Variants in ARMC6 observed in about 807,000 individuals in gnomAD.
The protein encoded by ARMC6 is armadillo repeat-containing protein 6.
ARMC6 carries 43 observed loss-of-function variants against 49.2 expected under a neutral mutation model. The observed-to-expected ratio is 0.87, with a 90% CI of 0.69 to 1.13. The LOEUF (loss-of-function observed/expected upper bound fraction) is 1.13. Ranked by LOEUF, ARMC6 falls within the 50% of genes most tolerant of loss-of-function variation. The probability of loss-of-function intolerance (pLI) is 0.00; values close to 1 mark genes in which losing one functional copy is unlikely to be tolerated. For missense variants in ARMC6, 627 were observed against 682.0 expected, an observed-to-expected ratio of 0.92 and a Z score of 0.90; for synonymous variants, 262 against 289.6, an observed-to-expected ratio of 0.90 and a Z score of 0.97.
chr19:19,051,415 GTC>G (rs2059495917), intron 4 of ARMC6, among the ~76,000 whole-genome samples: 2 of 146,988 alleles, frequency 1.4e-5, no homozygotes, highest in African/African-American at 2.5e-5. Context: ...GTGTGTGTGT[GTC>G]AGTCTTCCAC....
chr19:19,033,803 GTC>G lies in ARMC6; in HGVS notation c.-203_-202del, dbSNP rs1406371015. 3 of 251,658 alleles carry G rather than the reference GTC, an allele frequency of 1.2e-5. No individual in the cohort carries two copies. The highest frequency in any genetic ancestry group is 2.3e-5 in the African/African-American group (1 of 44,436). 15.6% of individuals were successfully genotyped at this position (251,658 alleles called of 1,614,324 possible). On this transcript the variant is annotated 5_prime_UTR_variant, in exon 1 of 9. Transcript: ENST00000535612. ...CCTTGGTTATCGTGAGCGTCCGCGA[GTC>G]TCTGGGAGGCCAAGCCTAGGGGCGC... is the stretch of plus-strand genomic sequence containing the variant.
At chr19:19,044,243 G>A (rs377434792) in intron 4 of ARMC6, among the ~76,000 whole-genome samples, 169 bp downstream of exon 4, 7 of 152,342 alleles carry the variant, frequency 4.6e-5, no homozygotes, top group Admixed American at 2.0e-4. Context: ...GTCCGAGGGC[G>A]GCATGCCTTC....
At chr19:19,037,644 C>T (rs1199430137) in intron 2 of ARMC6, 3 of 1,213,132 alleles carry the variant, frequency 2.5e-6, no homozygotes, top group East Asian at 7.1e-5. Flanking sequence ...GGCCACCATG[C>T]CTGGCCTGAA....
intron 2 of ARMC6, chr19:19,037,493 A>G (rs2059380237): frequency 1.6e-5 from 7 of 436,640 alleles, no homozygotes; most frequent in Non-Finnish European, 2.6e-5. Flanking sequence ...CAGCCTCCCA[A>G]ATAGCTGTAA....
chr19:19,051,222 T>C (rs1186183000), intron 4 of ARMC6, among the ~76,000 whole-genome samples: 1 of 152,188 alleles, frequency 6.6e-6, no homozygotes, highest in East Asian at 1.9e-4. Flanking sequence ...TTTCTTGTGA[T>C]TCTGCCTGGT....
intron 2 of ARMC6, chr19:19,037,835 A>C (rs762497261): frequency 1.3e-5 from 5 of 374,572 alleles, no homozygotes; most frequent in Non-Finnish European, 2.1e-5. Flanking sequence ...TACCCTGTCA[A>C]GACCTTCTGG....
Position 19,057,430 on chromosome 19 carries a change from G to A in ARMC6, c.1308G>A (p.Met436Ile). Residue 436 changes from methionine to isoleucine, a missense_variant, in exon 9 of 9, where the codon ATG (methionine) becomes ATA (isoleucine). Coordinates refer to ENST00000535612, the MANE Select transcript of ARMC6 (RefSeq NM_001199196.2). ...CTCTCCTACAGAAACAGGCTTGCAT[G>A]CTGATCCGAAACCTGGTGGCCCACG... ...QKAGVQKQAC[M>I]LIRNLVAHGQ... The A allele has an allele frequency of 6.2e-7, 1 of 1,613,132 alleles. No homozygotes were observed. The highest frequency in any genetic ancestry group is 1.3e-5 in the African/African-American group (1 of 75,044).
chr19:19,045,493 C>CTTTTTTTTTTTTTTTTTTTTTTGTT, intron 4 of ARMC6, among the ~76,000 whole-genome samples: 1 of 89,118 alleles, frequency 1.1e-5, no homozygotes, highest in Non-Finnish European at 2.0e-5. Flanking sequence ...ATGCTAAATT[C>CTTTTTTTTTTTTTTTTTTTTTTGTT]TTTTTTTTTT....
chr19:19,039,712 G>A (rs1276977524), intron 2 of ARMC6, among the ~76,000 whole-genome samples: 2 of 152,212 alleles, frequency 1.3e-5, no homozygotes, highest in Non-Finnish European at 2.9e-5. Context: ...ATTGTAGCAT[G>A]CTTCAGCACC....
At chr19:19,054,630 T>C (rs1466587085) in intron 6 of ARMC6, among the ~76,000 whole-genome samples, 1 of 152,122 alleles carries the variant, frequency 6.6e-6, no homozygotes, top group Non-Finnish European at 1.5e-5. Context: ...AATAGAGCAG[T>C]GTCCCTACTC....
chr19:19,034,336 A>G, intron 2 of ARMC6, 98 bp downstream of exon 2: 1 of 1,416,724 alleles, frequency 7.1e-7, no homozygotes. Context: ...AGTGCTGGGA[A>G]GGATGAGAAA....
intron 4 of ARMC6, among the ~76,000 whole-genome samples, chr19:19,051,373 C>CTGTGTGTGTGTG (rs1279966843): frequency 1.7e-5 from 2 of 115,162 alleles, no homozygotes; most frequent in African/African-American, 7.5e-5. Flanking sequence ...CTCTCTCTCT[C>CTGTGTGTGTGTG]TCTGTGTGTG....
chr19:19,042,770 G>A lies in ARMC6; in HGVS notation c.89G>A (p.Arg30His), dbSNP rs749287090. 55 of 1,613,794 alleles carry A rather than the reference G, an allele frequency of 3.4e-5. No individual in the cohort carries two copies. Among genetic ancestry groups the A allele is most frequent in the Middle Eastern group, 1.6e-4 (1 of 6,084 alleles). Reference protein sequence around the residue: ...TSTQAKMVSKRIAQETFDAAV... With the variant: ...TSTQAKMVSKHIAQETFDAAV... ...ACACAGGCGAAGATGGTCTCCAAGC[G>A]CATTGCCCAGGAGACCTTTGATGCA... Residue 30 changes from arginine (R) to histidine (H), a missense_variant, in exon 3 of 9, where the codon CGC becomes CAC. By Grantham distance (29) the Arg-to-His change is conservative. Transcript: ENST00000535612.
rs536628110 is a variant in ARMC6 at position 19,044,550 on chromosome 19, T to C, written c.279+476T>C. On this transcript the variant is annotated intron_variant, in intron 4 of 8. Coordinates refer to ENST00000535612, the MANE Select transcript of ARMC6 (RefSeq NM_001199196.2). ...AGTGATGGGGAAACAGGCCAGGAGC[T>C]GGCACTTAACCTCTCCAGAGACCGA... 2.0e-3 allele frequency among the ~76,000 whole-genome samples: 300 copies of C among 152,380 alleles called. 1 individual carries two copies. The highest frequency in any genetic ancestry group is 6.9e-3 in the African/African-American group (289 of 41,588).
At position 19,051,375 on chromosome 19, in the gene ARMC6, C is replaced by CTGTGTGTGTGTGTGTG. The variant is rs35164662; in HGVS notation, c.280-221_280-206dup. Among the ~76,000 whole-genome samples the CTGTGTGTGTGTGTGTG allele has an allele frequency of 8.7e-4, 121 of 139,758 alleles. 1 individual carries two copies. The highest frequency in any genetic ancestry group is 3.2e-3 in the Admixed American group (45 of 13,936). The allele number at this position is 139,758 out of a possible 152,430, so 91.7% of individuals were successfully genotyped here. A position where few individuals can be genotyped will look rare whatever the true frequency, so the allele number is the denominator to read the frequency against. On this transcript the variant is annotated intron_variant, in intron 4 of 8. Transcript: ENST00000535612. Reference sequence around the variant, plus strand: ...GTTGTCTGGATCTCTCTCTCTCTCTCTGTGTGTGTGTGTGTGTGTGTGTGT... The same window carrying CTGTGTGTGTGTGTGTG: ...GTTGTCTGGATCTCTCTCTCTCTCTCTGTGTGTGTGTGTGTGTGTGTGTGTGTGTGTGTGTGTGTGT...
At position 19,057,938 on chromosome 19, in the gene ARMC6, C is replaced by T. The variant is rs1416760158; in HGVS notation, c.*310C>T. The T allele has an allele frequency of 4.4e-6, 2 of 458,926 alleles. No homozygotes were observed. The highest frequency in any genetic ancestry group is 2.0e-5 in the African/African-American group (1 of 50,704). The allele number at this position is 458,926 out of a possible 1,614,324, so 28.4% of individuals were successfully genotyped here. The stretch of plus-strand genomic sequence containing the variant: ...AAGGGCACGTCCCATCACTCACTGC[C>T]CTGTCTGAAATGTGGCAGCCACTGT... On this transcript the variant is annotated 3_prime_UTR_variant, in exon 9 of 9. Coordinates refer to ENST00000535612, the MANE Select transcript of ARMC6 (RefSeq NM_001199196.2).
At chr19:19,048,721 A>G (rs1019185853) in intron 4 of ARMC6, among the ~76,000 whole-genome samples, 2 of 152,168 alleles carry the variant, frequency 1.3e-5, no homozygotes, top group Non-Finnish European at 2.9e-5. Flanking sequence ...TTCTCTCCTG[A>G]ATCAGGGAAA....
chr19:19,048,904 T>TA (rs1555758789), intron 4 of ARMC6, among the ~76,000 whole-genome samples: 4 of 152,146 alleles, frequency 2.6e-5, no homozygotes, highest in African/African-American at 9.7e-5. Context: ...AAAAAAGTCT[T>TA]ACGATGATCA....
intron 8 of ARMC6, among the ~76,000 whole-genome samples, chr19:19,056,758 T>C (rs1431700177): frequency 6.6e-6 from 1 of 152,100 alleles, no homozygotes; most frequent in Non-Finnish European, 1.5e-5. Context: ...GGGGCCCTCC[T>C]CGCCTCCTCA....
Sources: allele counts gnomAD v4.1 joint callset (sites outside exome capture counted in the v4.1 genomes callset), GRCh38; gene constraint gnomAD v4.1.1; transcripts MANE v1.5; gene names NCBI Gene and HGNC (gene_info 2026-07-23, HGNC 2026-07-21).